CCDC90B: variants seen among roughly 807,000 people sequenced by gnomAD.
The protein encoded by CCDC90B is coiled-coil domain-containing protein 90B, mitochondrial.
CCDC90B carries 24 observed loss-of-function variants against 37.0 expected under a neutral mutation model. The ratio of observed to expected loss-of-function variants is 0.65; its 90% CI spans 0.47 to 0.91. The LOEUF (loss-of-function observed/expected upper bound fraction) is 0.91, where lower values mean the gene tolerates loss of function less well. CCDC90B is among the 40% of genes least tolerant of loss of function. CCDC90B has a pLI of 0.00. For missense variants in CCDC90B, 319 were observed against 299.0 expected, an observed-to-expected ratio of 1.07 and a Z score of -0.49; for synonymous variants, 113 against 101.1, an observed-to-expected ratio of 1.12 and a Z score of -0.71.
chr11:83,265,059 G>A (rs1864169833), intron 8 of CCDC90B, among the ~76,000 whole-genome samples: 1 of 152,066 alleles, frequency 6.6e-6, no homozygotes, highest in Non-Finnish European at 1.5e-5. Flanking sequence ...GTATACATAT[G>A]TAACTAACCT....
intron 2 of CCDC90B, 82 bp downstream of exon 2, chr11:83,280,059 G>A: frequency 7.3e-7 from 1 of 1,366,046 alleles, no homozygotes; most frequent in Non-Finnish European, 1.0e-6. Context: ...ACTTTTGATT[G>A]TTCATAATAG....
intron 7 of CCDC90B, among the ~76,000 whole-genome samples, chr11:83,270,629 C>A (rs1461156416): frequency 6.6e-6 from 1 of 152,170 alleles, no homozygotes; most frequent in African/African-American, 2.4e-5. Context: ...CTTCAAACCA[C>A]TGCTCAGTGA....
intron 8 of CCDC90B, 106 bp downstream of exon 8, chr11:83,265,758 CT>C (rs1355935132): frequency 6.1e-6 from 4 of 656,202 alleles, no homozygotes; most frequent in Non-Finnish European, 1.1e-5. Context: ...ATAAAGGAGC[CT>C]TGTTATCTAG....
Position 83,260,942 on chromosome 11 carries a change from T to G in CCDC90B, c.*969A>C, listed in dbSNP as rs1863900186. 1 of 152,210 alleles carries G rather than the reference T, an allele frequency of 6.6e-6. No homozygotes were observed. The highest frequency in any genetic ancestry group is 6.5e-5 in the Admixed American group (1 of 15,272). The allele number at this position is 152,210 out of a possible 1,614,324, so 9.4% of individuals were successfully genotyped here. A position where few individuals can be genotyped will look rare whatever the true frequency, so the allele number is the denominator to read the frequency against. On this transcript the variant is annotated 3_prime_UTR_variant, in exon 9 of 9. Coordinates refer to ENST00000529689, the MANE Select transcript of CCDC90B (RefSeq NM_021825.5). ...AAAGCTTTGTTTTATGTAATAAATTTAAGATGGGTTAACTTAAACTACATT... is the reference window on the plus strand; with the variant it reads ...AAAGCTTTGTTTTATGTAATAAATTGAAGATGGGTTAACTTAAACTACATT...
chr11:83,273,045 A>G (rs1367938668), intron 7 of CCDC90B, among the ~76,000 whole-genome samples: 1 of 152,150 alleles, frequency 6.6e-6, no homozygotes, highest in African/African-American at 2.4e-5. Context: ...ACTGAAATGA[A>G]TATTAAGTGA....
chr11:83,270,204 A>C (rs1381123443), intron 7 of CCDC90B, among the ~76,000 whole-genome samples: 1 of 152,180 alleles, frequency 6.6e-6, no homozygotes, highest in South Asian at 2.1e-4. Context: ...TATCATACTG[A>C]ATGGGCAAAA....
intron 1 of CCDC90B, among the ~76,000 whole-genome samples, chr11:83,282,563 A>G (rs768969893): frequency 1.8e-4 from 28 of 152,304 alleles, no homozygotes; most frequent in Middle Eastern, 3.4e-3. Flanking sequence ...ATGTCCTACT[A>G]TGCTCTCTCT....
At position 83,280,195 on chromosome 11, in the gene CCDC90B, G is replaced by C; in HGVS notation, c.166C>G (p.Gln56Glu). ...TGGGTATCAAAAGTTAATTTCCTTT[G>C]TTCTAAAGGAGTTATATCCACTGGC... Reference protein sequence around the residue: ...RRPVDITPLEQRKLTFDTHAL... With the variant: ...RRPVDITPLEERKLTFDTHAL... The change falls in exon 2 of 9, where the codon CAA becomes GAA. Residue 56 changes from glutamine (Q) to glutamate (E), a missense_variant. Gln to Glu is a conservative substitution (Grantham distance 29, BLOSUM62 2). Coordinates refer to ENST00000529689, the MANE Select transcript of CCDC90B (RefSeq NM_021825.5). 6.2e-7 allele frequency: 1 copy of C among 1,612,168 alleles called. No individual in the cohort carries two copies. Among genetic ancestry groups the C allele is most frequent in the South Asian group, 1.1e-5 (1 of 91,014 alleles).
rs956129797 is a variant in CCDC90B at position 83,259,599 on chromosome 11, G to C, written c.*2312C>G. The C allele has an allele frequency of 3.3e-5, 5 of 152,160 alleles. No homozygotes were observed. The highest frequency in any genetic ancestry group is 7.3e-5 in the Non-Finnish European group (5 of 68,030). 9.4% of individuals were successfully genotyped at this position (152,160 alleles called of 1,614,324 possible). A position where few individuals can be genotyped will look rare whatever the true frequency, so the allele number is the denominator to read the frequency against. On this transcript the variant is annotated 3_prime_UTR_variant, in exon 9 of 9. Coordinates refer to ENST00000529689, the MANE Select transcript of CCDC90B (RefSeq NM_021825.5). ...TGTGAATATAACTAAGATGAAGAAT[G>C]AATAAACTAATATAGAGGCCTAAAA...
chr11:83,278,050 A>T (rs1865149799), intron 3 of CCDC90B, among the ~76,000 whole-genome samples: 1 of 152,206 alleles, frequency 6.6e-6, no homozygotes, highest in Non-Finnish European at 1.5e-5. Context: ...CATTTAGTTT[A>T]TTCAGTCCTT....
rs1225338261 is a variant in CCDC90B at position 83,273,618 on chromosome 11, A to G, written c.594+29T>C. The G allele has an allele frequency of 2.0e-6, 3 of 1,532,034 alleles. 1 individual carries two copies. The highest frequency in any genetic ancestry group is 2.7e-6 in the Non-Finnish European group (3 of 1,124,776). 94.9% of individuals were successfully genotyped at this position (1,532,034 alleles called of 1,614,324 possible). A position where few individuals can be genotyped will look rare whatever the true frequency, so the allele number is the denominator to read the frequency against. On this transcript the variant is annotated intron_variant, in intron 7 of 8. Transcript: ENST00000529689. ...GTTATACAAGGCACAAGAACTGTAC[A>G]AAAGAGACATTTTTACATATTACTT...
chr11:83,259,321 C>T lies in CCDC90B; in HGVS notation c.*2590G>A, dbSNP rs529759902. On this transcript the variant is annotated 3_prime_UTR_variant, in exon 9 of 9. Coordinates refer to ENST00000529689, the MANE Select transcript of CCDC90B (RefSeq NM_021825.5). ...TCACTGAAACAAAAATTTACCTGAA[C>T]CCCAGAACCACCATCAAAATGAAGT... 1 of 152,238 alleles carries T rather than the reference C, an allele frequency of 6.6e-6. No homozygotes were observed. The highest frequency in any genetic ancestry group is 1.9e-4 in the East Asian group (1 of 5,186). The allele number at this position is 152,238 out of a possible 1,614,324, so 9.4% of individuals were successfully genotyped here.
chr11:83,284,988 G>A (rs930049828), intron 1 of CCDC90B: 2 of 386,722 alleles, frequency 5.2e-6, no homozygotes, highest in Admixed American at 5.4e-5. Context: ...CTCACAGATG[G>A]AGGATCAACA....
intron 1 of CCDC90B, chr11:83,285,369 T>G (rs1415238232): frequency 1.7e-6 from 2 of 1,167,594 alleles, no homozygotes; most frequent in East Asian, 6.4e-5. Flanking sequence ...TATTCACTTA[T>G]TTTCCCAAAG....
intron 1 of CCDC90B, 21 bp from the exon 2 acceptor site, chr11:83,280,281 T>C (rs548508996): frequency 6.2e-7 from 1 of 1,607,354 alleles, no homozygotes; most frequent in South Asian, 1.1e-5. Context: ...AGACAATTTT[T>C]TTCTTTTGTA....
At position 83,280,229 on chromosome 11, in the gene CCDC90B, A is replaced by G; in HGVS notation, c.132T>C (p.Tyr44=). ...EFFTTTTKEG[Y]DRRPVDITPL... ...GAGTTATATCCACTGGCCGCCTATC[A>G]TATCCCTCCTTGGTTGTGGTAGTGA... Residue 44 remains tyrosine, a synonymous_variant, in exon 2 of 9, where the codon TAT becomes TAC. Coordinates refer to ENST00000529689, the MANE Select transcript of CCDC90B (RefSeq NM_021825.5). The G allele has an allele frequency of 6.2e-7, 1 of 1,613,458 alleles. No homozygotes were observed. Among genetic ancestry groups the G allele is most frequent in the Non-Finnish European group, 8.5e-7 (1 of 1,179,694 alleles).
chr11:83,285,586 T>C (rs1865633822), intron 1 of CCDC90B: 2 of 1,284,118 alleles, frequency 1.6e-6, no homozygotes, highest in Admixed American at 3.8e-5. Context: ...TACTAGCCTC[T>C]TGTCACCAAA....
intron 1 of CCDC90B, chr11:83,285,614 G>A (rs1312200838): frequency 1.5e-6 from 2 of 1,337,196 alleles, no homozygotes; most frequent in Non-Finnish European, 1.9e-6. Flanking sequence ...AACAACGGCT[G>A]AGAAAGAAGC....
At chr11:83,278,667 A>G (rs2135656048) in intron 3 of CCDC90B, 59 bp downstream of exon 3, 4 of 1,125,806 alleles carry the variant, frequency 3.6e-6, no homozygotes, top group Non-Finnish European at 5.3e-6. Flanking sequence ...AGACAGAGAC[A>G]TAGTTATGAA....
Sources: allele counts gnomAD v4.1 joint callset (sites outside exome capture counted in the v4.1 genomes callset), GRCh38; gene constraint gnomAD v4.1.1; transcripts MANE v1.5; gene names NCBI Gene and HGNC (gene_info 2026-07-23, HGNC 2026-07-21).